Variants in SLC4A4 observed in about 807,000 individuals in gnomAD.
SLC4A4 encodes solute carrier family 4 member 4, also known as electrogenic sodium bicarbonate cotransporter 1.
Under a neutral mutation model 111.5 loss-of-function variants are expected in SLC4A4, and 27 were observed. The ratio of observed to expected loss-of-function variants is 0.24; its 90% CI spans 0.18 to 0.33. The LOEUF is 0.33. Ranked by LOEUF, SLC4A4 falls within the 10% of genes least tolerant of loss-of-function variation. The probability of loss-of-function intolerance (pLI) is 1.00; values close to 1 mark genes in which losing one functional copy is unlikely to be tolerated. For synonymous variants in SLC4A4, 443 were observed against 463.4 expected, an observed-to-expected ratio of 0.96 and a Z score of 0.57; for missense variants, 909 against 1,315.5, an observed-to-expected ratio of 0.69 and a Z score of 4.78.
At chr4:71,527,837 T>C (rs1480956376) in intron 16 of SLC4A4, among the ~76,000 whole-genome samples, 2 of 152,044 alleles carry the variant, frequency 1.3e-5, no homozygotes, top group South Asian at 4.1e-4. Flanking sequence ...CCTAGAAATA[T>C]AAATTTTTTG....
chr4:71,380,766 G>T (rs1718062620), intron 6 of SLC4A4, among the ~76,000 whole-genome samples: 1 of 152,168 alleles, frequency 6.6e-6, no homozygotes, highest in African/African-American at 2.4e-5. Context: ...TGGGGGTTTA[G>T]ACTCCAGATG....
At chr4:71,304,428 T>C (rs1725526262) in intron 3 of SLC4A4, among the ~76,000 whole-genome samples, 2 of 152,202 alleles carry the variant, frequency 1.3e-5, no homozygotes, top group Non-Finnish European at 2.9e-5. Flanking sequence ...CAAAGGTGAA[T>C]TCACCTTTCC....
At chr4:71,174,537 C>T (rs547517746) in intron 2 of SLC4A4, among the ~76,000 whole-genome samples, 12 of 152,166 alleles carry the variant, frequency 7.9e-5, no homozygotes, top group Admixed American at 3.9e-4. Context: ...GGTGAGCCAC[C>T]GCACCTGGCC....
intron 3 of SLC4A4, among the ~76,000 whole-genome samples, chr4:71,285,864 A>G (rs1723875323): frequency 6.6e-6 from 1 of 152,122 alleles, no homozygotes; most frequent in Admixed American, 6.5e-5. Context: ...TATGTTTATT[A>G]TGACTTTTCA....
chr4:71,349,782 G>T, intron 4 of SLC4A4, 130 bp from the exon 5 acceptor site: 1 of 774,972 alleles, frequency 1.3e-6, no homozygotes, highest in South Asian at 1.5e-5. Context: ...GATCTAATAA[G>T]CTATTAATAC....
At chr4:71,375,366 C>G (rs1182068411) in intron 6 of SLC4A4, among the ~76,000 whole-genome samples, 1 of 152,184 alleles carries the variant, frequency 6.6e-6, no homozygotes, top group Non-Finnish European at 1.5e-5. Context: ...TTGCCTTTAT[C>G]TATACTACAT....
At chr4:71,374,151 A>G (rs767871537) in intron 6 of SLC4A4, among the ~76,000 whole-genome samples, 2 of 152,166 alleles carry the variant, frequency 1.3e-5, no homozygotes, top group African/African-American at 2.4e-5. Flanking sequence ...CAACCACCAC[A>G]TCACAACTCT....
At chr4:71,369,106 G>A (rs964598185) in intron 6 of SLC4A4, among the ~76,000 whole-genome samples, 3 of 152,042 alleles carry the variant, frequency 2.0e-5, no homozygotes, top group Admixed American at 6.5e-5. Flanking sequence ...GATGACCCCC[G>A]AGTGCGGCGC....
At position 71,310,156 on chromosome 4, in the gene SLC4A4, C is replaced by T. The variant is rs535971974; in HGVS notation, c.254-29214C>T. Among the ~76,000 whole-genome samples, 8 of 151,992 alleles carry T rather than the reference C, an allele frequency of 5.3e-5. No individual in the cohort carries two copies. In the South Asian group the frequency reaches 1.7e-3, roughly 32 times the overall value. On this transcript the variant is annotated intron_variant, in intron 3 of 25. Coordinates refer to ENST00000264485, the MANE Select transcript of SLC4A4 (RefSeq NM_001098484.3). ...AGAAAAAAGAATGAAAAGGAATGAA[C>T]AAAACCTCCAAGAAATATGGGACTC...
intron 2 of SLC4A4, among the ~76,000 whole-genome samples, chr4:71,171,674 A>G (rs770854930): frequency 2.6e-5 from 4 of 152,204 alleles, no homozygotes; most frequent in Non-Finnish European, 4.4e-5. Context: ...AGATTATGAA[A>G]GCAGTTTATT....
intron 12 of SLC4A4, among the ~76,000 whole-genome samples, chr4:71,461,165 G>A (rs887908953): frequency 3.9e-5 from 6 of 152,012 alleles, no homozygotes; most frequent in African/African-American, 1.5e-4. Flanking sequence ...CAAAAAGACT[G>A]GTGTTTCTTT....
intron 6 of SLC4A4, among the ~76,000 whole-genome samples, chr4:71,389,241 C>T (rs1343447238): frequency 1.3e-5 from 2 of 152,122 alleles, no homozygotes; most frequent in African/African-American, 4.8e-5. Context: ...ATAAGGACAT[C>T]CTCTCTATTA....
chr4:71,422,604 C>A (rs1722651432), intron 7 of SLC4A4, among the ~76,000 whole-genome samples: 2 of 151,982 alleles, frequency 1.3e-5, no homozygotes, highest in South Asian at 4.2e-4. Flanking sequence ...TACTGGCAAA[C>A]CAAATCCAGC....
chr4:71,301,142 C>G (rs1725220771), intron 3 of SLC4A4: 1 of 340,066 alleles, frequency 2.9e-6, no homozygotes, highest in South Asian at 2.6e-5. Flanking sequence ...GGGATGGGCA[C>G]CACACGTGGC....
chr4:71,462,696 G>A (rs4470595), intron 12 of SLC4A4, among the ~76,000 whole-genome samples: 2 of 151,894 alleles, frequency 1.3e-5, no homozygotes, highest in African/African-American at 2.4e-5. Context: ...GGCGTGAGCC[G>A]CTATGCCCGG....
At chr4:71,423,776 C>T (rs867851125) in intron 7 of SLC4A4, among the ~76,000 whole-genome samples, 18 of 152,310 alleles carry the variant, frequency 1.2e-4, no homozygotes, top group Middle Eastern at 3.4e-3. Context: ...GCTGGGAAAA[C>T]TGGCTAGCCA....
intron 7 of SLC4A4, among the ~76,000 whole-genome samples, chr4:71,418,976 G>T (rs568298226): frequency 6.6e-6 from 1 of 152,190 alleles, no homozygotes; most frequent in Non-Finnish European, 1.5e-5. Context: ...CTGTTTGCCT[G>T]GGTATCCGCA....
intron 12 of SLC4A4, among the ~76,000 whole-genome samples, chr4:71,458,483 A>G (rs961964620): frequency 2.6e-5 from 4 of 152,084 alleles, no homozygotes; most frequent in Non-Finnish European, 5.9e-5. Context: ...AGGAGTAAAT[A>G]TAATCCTATT....
chr4:71,110,616 TC>T (rs1347908168), intron 2 of SLC4A4, among the ~76,000 whole-genome samples: 2 of 152,220 alleles, frequency 1.3e-5, no homozygotes, highest in African/African-American at 4.8e-5. Flanking sequence ...TTGCCTAAGT[TC>T]GTAGGGCAGG....
Sources: gnomAD v4.1 joint callset for allele counts (sites outside exome capture counted in the v4.1 genomes callset) on GRCh38, gnomAD v4.1.1 for gene constraint, MANE v1.5 for transcripts, NCBI Gene and HGNC (gene_info 2026-07-23, HGNC 2026-07-21) for gene names.